The following RAB33A variants were observed in gnomAD, a reference collection of about 807,000 sequenced individuals.
The protein encoded by RAB33A is ras-related protein Rab-33A.
Under a neutral mutation model 12.0 loss-of-function variants are expected in RAB33A, and 6 were observed. The ratio of observed to expected loss-of-function variants is 0.50; its 90% CI spans 0.27 to 0.99. The LOEUF is 0.99. Among genes scored for constraint, RAB33A ranks in the 50% least tolerant of loss-of-function variants. The pLI, the probability that RAB33A is intolerant of heterozygous loss-of-function variation, is 0.11. For missense variants in RAB33A, 109 were observed against 192.0 expected (o/e 0.57, Z 2.55); for synonymous variants, 70 against 82.4 (o/e 0.85, Z 0.81).
chrX:130,165,694 C>T, the RAB33A span: 15 of 1,104,826 alleles, frequency 1.4e-5, no homozygotes, highest in Non-Finnish European at 1.8e-5. Flanking sequence ...CCTTCCCTTT[C>T]CTCTCACGCA....
At chrX:130,126,723 A>C in the RAB33A span, among the ~76,000 whole-genome samples, 1 of 112,140 alleles carries the variant, frequency 8.9e-6, no homozygotes, top group Non-Finnish European at 1.9e-5. Flanking sequence ...CAATCAACCA[A>C]GGACTTGCTC....
At chrX:130,130,805 G>C in the RAB33A span, among the ~76,000 whole-genome samples, 2 of 111,970 alleles carry the variant, frequency 1.8e-5, no homozygotes, top group Non-Finnish European at 3.8e-5. Context: ...AGAGAAAGAG[G>C]GGAAGGGAAG....
chrX:130,165,638 G>A, the RAB33A span: 22 of 1,199,392 alleles, frequency 1.8e-5, no homozygotes, highest in Non-Finnish European at 2.4e-5. Context: ...CCCGCCGCCA[G>A]GCCTCCACAC....
At chrX:130,137,328 A>G in the RAB33A span, 2 of 1,171,648 alleles carry the variant, frequency 1.7e-6, no homozygotes, top group Non-Finnish European at 2.3e-6. Flanking sequence ...CTTACAGGAC[A>G]GTGGGCATGA....
the RAB33A span, chrX:130,149,622 G>GT: frequency 1.2e-6 from 1 of 851,838 alleles, no homozygotes; most frequent in South Asian, 2.0e-5. Flanking sequence ...AGCTCATACT[G>GT]TAAGTAATAT....
the RAB33A span, chrX:130,110,686 A>G: frequency 9.4e-6 from 1 of 106,874 alleles, no homozygotes; most frequent in South Asian, 4.1e-4. Context: ...CGCGCCGCCA[A>G]TGGCAAGTTG....
chrX:130,142,645 T>C, the RAB33A span, among the ~76,000 whole-genome samples: 1 of 111,530 alleles, frequency 9.0e-6, no homozygotes, highest in Admixed American at 9.5e-5. Context: ...TGGTATCTGT[T>C]TTATTTTATT....
the RAB33A span, chrX:130,140,660 T>G: frequency 4.8e-6 from 5 of 1,032,615 alleles, no homozygotes; most frequent in Non-Finnish European, 5.4e-6. Context: ...AGAGATGAAT[T>G]AGCATTGAAA....
the RAB33A span, chrX:130,130,066 C>G: frequency 8.3e-7 from 1 of 1,211,848 alleles, no homozygotes; most frequent in Non-Finnish European, 1.1e-6. Flanking sequence ...TGCCGTAGTC[C>G]TCCCCCTGGA....
chrX:130,140,013 G>T, the RAB33A span: 1 of 556,955 alleles, frequency 1.8e-6, no homozygotes, highest in Admixed American at 2.6e-5. Context: ...GGCTTTGTTT[G>T]CCTTCAGCTT....
At chrX:130,179,614 G>A (rs2031700896) in intron 1 of RAB33A, among the ~76,000 whole-genome samples, 1 of 107,706 alleles carries the variant, frequency 9.3e-6, no homozygotes, top group African/African-American at 3.4e-5. Context: ...CGGAGAGGTG[G>A]AAGAAATGAA....
At chrX:130,165,528 G>T in the RAB33A span, 1 of 1,162,111 alleles carries the variant, frequency 8.6e-7, no homozygotes, top group Non-Finnish European at 1.2e-6. Context: ...GGACTTGGAG[G>T]TTGCCTGGAA....
the RAB33A span, among the ~76,000 whole-genome samples, chrX:130,139,564 T>C: frequency 1.3e-3 from 149 of 111,441 alleles, no homozygotes; most frequent in African/African-American, 4.6e-3. Flanking sequence ...CAGAAGGATC[T>C]ATTGCAAGCA....
the RAB33A span, among the ~76,000 whole-genome samples, chrX:130,116,848 A>G: frequency 1.8e-5 from 2 of 112,187 alleles, no homozygotes; most frequent in Non-Finnish European, 3.8e-5. Context: ...GCTGGGAGAC[A>G]TGCCTGACTG....
At chrX:130,140,273 G>A in the RAB33A span, among the ~76,000 whole-genome samples, 6 of 112,198 alleles carry the variant, frequency 5.3e-5, no homozygotes, top group Admixed American at 5.7e-4. Context: ...AAGGCACAGG[G>A]CACAGGGTGA....
intron 1 of RAB33A, among the ~76,000 whole-genome samples, chrX:130,179,277 A>G (rs2031696689): frequency 8.9e-6 from 1 of 112,016 alleles, no homozygotes; most frequent in African/African-American, 3.2e-5. Context: ...TGGGCGGCAT[A>G]CGCAATTATG....
upstream of RAB33A, among the ~76,000 whole-genome samples, chrX:130,170,001 T>C (rs2031588577): frequency 8.9e-6 from 1 of 112,250 alleles, no homozygotes; most frequent in Non-Finnish European, 1.9e-5. Context: ...TACTGTACAA[T>C]GATGATTGAT....
the RAB33A span, among the ~76,000 whole-genome samples, chrX:130,115,681 GAGGAAGGA>G: frequency 2.1e-5 from 2 of 95,127 alleles, no homozygotes; most frequent in Non-Finnish European, 4.1e-5. Context: ...GAGAGAGAGA[GAGGAAGGA>G]AGGAAGGAAG....
the RAB33A span, among the ~76,000 whole-genome samples, chrX:130,162,129 T>C: frequency 1.8e-5 from 2 of 112,137 alleles, no homozygotes; most frequent in East Asian, 5.6e-4. Flanking sequence ...TGGTACAAGA[T>C]GCTAAGGACA....
Sources: allele counts gnomAD v4.1 joint callset (sites outside exome capture counted in the v4.1 genomes callset), GRCh38; gene constraint gnomAD v4.1.1; transcripts MANE v1.5; gene names NCBI Gene and HGNC (gene_info 2026-07-23, HGNC 2026-07-21).